Variants in PKIB observed in about 807,000 individuals in gnomAD.
PKIB encodes PKI-beta.
PKIB carries 2 observed loss-of-function variants against 4.5 expected under a neutral mutation model. The ratio of observed to expected loss-of-function variants is 0.44; its 90% confidence interval spans 0.18 to 1.39. The LOEUF (loss-of-function observed/expected upper bound fraction) is 1.39. Ranked by LOEUF, PKIB falls within the 40% of genes most tolerant of loss-of-function variation. PKIB has a pLI of 0.27. For synonymous variants in PKIB, 38 were observed against 36.0 expected (o/e 1.06, Z -0.20); for missense variants, 94 against 92.6 (o/e 1.02, Z -0.06).
At chr6:122,645,134 A>T (rs907577922) in intron 2 of PKIB, among the ~76,000 whole-genome samples, 1 of 152,180 alleles carries the variant, frequency 6.6e-6, no homozygotes, top group Non-Finnish European at 1.5e-5. Flanking sequence ...ACTTTTCTTT[A>T]GTACAGGTTG....
chr6:122,564,716 A>G (rs1773131320), intron 2 of PKIB, among the ~76,000 whole-genome samples: 1 of 152,098 alleles, frequency 6.6e-6, no homozygotes, highest in Non-Finnish European at 1.5e-5. Flanking sequence ...TAACAGTTTC[A>G]TATTCTTAAG....
At chr6:122,718,069 T>TA in intron 4 of PKIB, 106 bp downstream of exon 4, 1 of 1,175,012 alleles carries the variant, frequency 8.5e-7, no homozygotes, top group Non-Finnish European at 1.2e-6. Context: ...TCAGTTTCCT[T>TA]ATTTGTTTAC....
chr6:122,498,920 G>T (rs1776148656), intron 2 of PKIB, among the ~76,000 whole-genome samples: 1 of 152,124 alleles, frequency 6.6e-6, no homozygotes, highest in Non-Finnish European at 1.5e-5. Flanking sequence ...GATCCTCAGA[G>T]ACTATTATAA....
At chr6:122,472,192 C>T (rs1348415205) in intron 1 of PKIB, among the ~76,000 whole-genome samples, 1 of 152,208 alleles carries the variant, frequency 6.6e-6, no homozygotes, top group Non-Finnish European at 1.5e-5. Flanking sequence ...CAGTCTTTGT[C>T]CGTCCTAACT....
At chr6:122,613,468 G>A (rs1295152042) in intron 1 of PKIB, among the ~76,000 whole-genome samples, 1 of 152,030 alleles carries the variant, frequency 6.6e-6, no homozygotes, top group African/African-American at 2.4e-5. Flanking sequence ...TATTAGACCA[G>A]GGCTCTGGTT....
At chr6:122,553,946 A>G (rs183874549) in intron 2 of PKIB, among the ~76,000 whole-genome samples, 1 of 152,328 alleles carries the variant, frequency 6.6e-6, no homozygotes, top group African/African-American at 2.4e-5. Context: ...TGAATGGAGC[A>G]AAGTGACACA....
At chr6:122,627,733 A>G (rs1347159483) in intron 1 of PKIB, among the ~76,000 whole-genome samples, 2 of 152,164 alleles carry the variant, frequency 1.3e-5, no homozygotes, top group African/African-American at 4.8e-5. Flanking sequence ...ATTTTTCTTC[A>G]GTCTCACAGA....
chr6:122,667,364 C>T (rs1228878103), intron 2 of PKIB, among the ~76,000 whole-genome samples: 2 of 152,010 alleles, frequency 1.3e-5, no homozygotes, highest in Admixed American at 6.5e-5. Flanking sequence ...AGTGAAACCC[C>T]GTCTCTACCA....
At chr6:122,505,092 G>T (rs939847669) in intron 2 of PKIB, among the ~76,000 whole-genome samples, 8 of 152,350 alleles carry the variant, frequency 5.3e-5, no homozygotes, top group African/African-American at 1.7e-4. Context: ...GTTATCTATA[G>T]TAATAGTGGT....
chr6:122,609,345 A>T (rs1014267233), upstream of PKIB, among the ~76,000 whole-genome samples: 1 of 152,238 alleles, frequency 6.6e-6, no homozygotes, highest in Non-Finnish European at 1.5e-5. Flanking sequence ...GCTGAACCTC[A>T]GTTTACTATC....
intron 2 of PKIB, among the ~76,000 whole-genome samples, chr6:122,657,981 A>G (rs1369432929): frequency 2.0e-5 from 3 of 152,212 alleles, no homozygotes; most frequent in African/African-American, 7.2e-5. Context: ...ATTGTCCTGA[A>G]TCACTGGATT....
intron 2 of PKIB, among the ~76,000 whole-genome samples, chr6:122,666,444 G>A (rs1777222361): frequency 6.6e-6 from 1 of 152,162 alleles, no homozygotes; most frequent in African/African-American, 2.4e-5. Context: ...TAAAACTGGG[G>A]ATATGTGCTA....
intron 1 of PKIB, among the ~76,000 whole-genome samples, chr6:122,626,193 ATACT>A (rs1339807998): frequency 6.6e-6 from 1 of 152,254 alleles, no homozygotes; most frequent in African/African-American, 2.4e-5. Flanking sequence ...ACTAATCAAT[ATACT>A]TTAGTGGTTC....
At chr6:122,641,413 T>G (rs1023371797) in intron 2 of PKIB, among the ~76,000 whole-genome samples, 2 of 152,178 alleles carry the variant, frequency 1.3e-5, no homozygotes, top group African/African-American at 4.8e-5. Context: ...CATTCTAATT[T>G]ATGGCTTTAT....
rs1002539294 is a variant in PKIB at position 122,725,356 on chromosome 6, T to C, written c.*161T>C. On this transcript the variant is annotated 3_prime_UTR_variant, in exon 5 of 5. Transcript: ENST00000368452. ...GTGTTGTGATGCTACTCACTTTGAT[T>C]GCAATGATGATGTCCAAGGTAAGCT... 4 of 609,950 alleles carry C rather than the reference T, an allele frequency of 6.6e-6. No individual in the cohort carries two copies. Among genetic ancestry groups the C allele is most frequent in the Non-Finnish European group, 8.7e-6 (3 of 343,994 alleles). 37.8% of individuals were successfully genotyped at this position (609,950 alleles called of 1,614,324 possible).
intron 2 of PKIB, among the ~76,000 whole-genome samples, chr6:122,545,502 G>A (rs980882758): frequency 5.9e-5 from 9 of 151,630 alleles, no homozygotes; most frequent in Admixed American, 2.6e-4. Flanking sequence ...GGTAAATTGC[G>A]TGATGCAGGG....
Position 122,688,893 on chromosome 6 carries a change from G to T in PKIB, c.-9+13749G>T, listed in dbSNP as rs539062921. On this transcript the variant is annotated intron_variant, in intron 3 of 4. Coordinates refer to ENST00000368452, the MANE Select transcript of PKIB (RefSeq NM_181795.3). ...CCTCCCGGGTTCACGCCATTCTCCT[G>T]CCTCAGCCTCCCGAGTGGCTGGGAC... is the stretch of plus-strand genomic sequence containing the variant. 2.4e-4 allele frequency among the ~76,000 whole-genome samples: 36 copies of T among 151,180 alleles called. No homozygotes were observed. The South Asian group carries it at 7.3e-3, about 31-fold the overall frequency.
At chr6:122,715,511 A>G (rs1458158339) in intron 3 of PKIB, among the ~76,000 whole-genome samples, 4 of 151,912 alleles carry the variant, frequency 2.6e-5, no homozygotes, top group Non-Finnish European at 5.9e-5. Context: ...TTAATGTACC[A>G]TGGGAGGGCT....
At chr6:122,600,037 A>G (rs1774315277) in intron 3 of PKIB, among the ~76,000 whole-genome samples, 1 of 149,770 alleles carries the variant, frequency 6.7e-6, no homozygotes, top group Admixed American at 6.7e-5. Flanking sequence ...CTATAGCTAT[A>G]TCTATCTATA....
Sources: allele counts gnomAD v4.1 joint callset (sites outside exome capture counted in the v4.1 genomes callset), GRCh38; gene constraint gnomAD v4.1.1; transcripts MANE v1.5; gene names NCBI Gene and HGNC (gene_info 2026-07-23, HGNC 2026-07-21).